SVEP1: variants seen among roughly 807,000 people sequenced by gnomAD.
SVEP1 encodes the protein sushi, von Willebrand factor type A, EGF and pentraxin domain containing 1.
A neutral mutation model predicts 367.3 loss-of-function variants in SVEP1; 164 were observed. That is an observed-to-expected ratio of 0.45 (90% CI 0.39 to 0.51). The LOEUF is 0.51. Among genes scored for constraint, SVEP1 ranks in the 20% least tolerant of loss-of-function variants. The probability of loss-of-function intolerance (pLI) is 0.00; values close to 1 mark genes in which losing one functional copy is unlikely to be tolerated. For synonymous variants in SVEP1, 1,666 were observed against 1,611.6 expected (o/e 1.03, Z -0.81); for missense variants, 4,117 against 4,425.3 (o/e 0.93, Z 1.98).
intron 14 of SVEP1, among the ~76,000 whole-genome samples, chr9:110,474,515 A>G (rs577992298): frequency 2.0e-5 from 3 of 152,124 alleles, no homozygotes; most frequent in African/African-American, 7.2e-5. Flanking sequence ...TTTTCTCAAG[A>G]ATTGCCATTT....
intron 1 of SVEP1, among the ~76,000 whole-genome samples, chr9:110,554,547 A>C (rs1206172660): frequency 1.3e-5 from 2 of 152,234 alleles, no homozygotes; most frequent in East Asian, 3.8e-4. Context: ...ACATCCTCTC[A>C]TGTCAGAAAA....
At chr9:110,445,090 CCACA>C (rs1440552733) in intron 26 of SVEP1, among the ~76,000 whole-genome samples, 2 of 152,184 alleles carry the variant, frequency 1.3e-5, no homozygotes, top group Non-Finnish European at 2.9e-5. Flanking sequence ...CAGAATCTAA[CCACA>C]CGGAAGTTAT....
intron 39 of SVEP1, among the ~76,000 whole-genome samples, chr9:110,401,290 C>T (rs1161194449): frequency 6.6e-6 from 1 of 151,902 alleles, no homozygotes; most frequent in Non-Finnish European, 1.5e-5. Flanking sequence ...TCACGAGCAA[C>T]AAGAAATATA....
At chr9:110,478,846 A>G (rs559472870) in intron 13 of SVEP1, among the ~76,000 whole-genome samples, 15 of 152,318 alleles carry the variant, frequency 9.8e-5, no homozygotes, top group South Asian at 2.1e-4. Context: ...AGGGCATACA[A>G]ATATGTATCT....
Position 110,484,002 on chromosome 9 carries a change from G to T in SVEP1, c.1931-309C>A, listed in dbSNP as rs560965313. Among the ~76,000 whole-genome samples, 27 of 152,304 alleles carry T rather than the reference G, an allele frequency of 1.8e-4. No homozygotes were observed. In the South Asian group the frequency reaches 5.6e-3, roughly 32 times the overall value. Reference sequence around the variant, plus strand: ...ATTTGAATTGTGGGTTCTGTCCACGGTCGTTGAGCTGACCCAACTGGAAGG... The same window carrying T: ...ATTTGAATTGTGGGTTCTGTCCACGTTCGTTGAGCTGACCCAACTGGAAGG... On this transcript the variant is annotated intron_variant, in intron 9 of 47. Coordinates refer to ENST00000374469, the MANE Select transcript of SVEP1 (RefSeq NM_153366.4).
chr9:110,381,382 C>T (rs536383505), intron 43 of SVEP1, among the ~76,000 whole-genome samples: 1 of 152,188 alleles, frequency 6.6e-6, no homozygotes, highest in African/African-American at 2.4e-5. Flanking sequence ...TTAACTGTGT[C>T]CCAGAGATTC....
At chr9:110,547,696 C>T (rs751011023) in intron 2 of SVEP1, among the ~76,000 whole-genome samples, 7 of 152,098 alleles carry the variant, frequency 4.6e-5, no homozygotes, top group Non-Finnish European at 1.0e-4. Flanking sequence ...TATTCTGTAA[C>T]CTATGTCTAT....
chr9:110,407,815 G>T lies in SVEP1; in HGVS notation c.7785C>A (p.Thr2595=), dbSNP rs1344347326. The change falls in exon 38 of 48, where the codon ACC becomes ACA. Residue 2595 remains threonine (T), a synonymous_variant. Coordinates refer to ENST00000374469, the MANE Select transcript of SVEP1 (RefSeq NM_153366.4). ...AACTTGACCATCCTGACTCTTCACA[G>T]GTCTGCATGGCATGACCAGCCACCT... ...GFQVAGHAMQ[T]CEESGWSSSI... 3.1e-6 allele frequency: 5 copies of T among 1,613,990 alleles called. No individual in the cohort carries two copies. Among genetic ancestry groups the T allele is most frequent in the Non-Finnish European group, 4.2e-6 (5 of 1,179,898 alleles).
intron 43 of SVEP1, among the ~76,000 whole-genome samples, chr9:110,381,964 C>T (rs552155483): frequency 7.4e-4 from 113 of 152,160 alleles, no homozygotes; most frequent in African/African-American, 2.2e-3. Flanking sequence ...TTTTGATCTT[C>T]GCTGGTTTAA....
At chr9:110,377,184 G>C in intron 45 of SVEP1, 87 bp downstream of exon 45, 5 of 1,238,642 alleles carry the variant, frequency 4.0e-6, no homozygotes, top group Non-Finnish European at 5.8e-6. Context: ...CTTCCCAACA[G>C]TACAACCATT....
chr9:110,379,298 C>T (rs767399616), intron 44 of SVEP1, 49 bp downstream of exon 44: 3 of 1,587,712 alleles, frequency 1.9e-6, no homozygotes, highest in Admixed American at 1.7e-5. Context: ...TTTCTATACA[C>T]ATTTCCCTGC....
At chr9:110,367,370 C>T (rs991540554) in intron 47 of SVEP1, among the ~76,000 whole-genome samples, 1 of 150,374 alleles carries the variant, frequency 6.7e-6, no homozygotes, top group Non-Finnish European at 1.5e-5. Context: ...TCCTATGTTG[C>T]CCAGGCTGGT....
At chr9:110,555,136 C>T (rs542428182) in intron 1 of SVEP1, among the ~76,000 whole-genome samples, 4 of 151,682 alleles carry the variant, frequency 2.6e-5, no homozygotes, top group African/African-American at 7.3e-5. Flanking sequence ...ATTTTGATTA[C>T]TGCTTCTTCT....
intron 21 of SVEP1, 76 bp from the exon 22 acceptor site, chr9:110,455,779 T>C: frequency 8.5e-7 from 1 of 1,178,088 alleles, no homozygotes; most frequent in Non-Finnish European, 1.2e-6. Context: ...CATTTAAAGG[T>C]AATTATCTCA....
At chr9:110,486,711 G>A (rs1390637990) in intron 9 of SVEP1, among the ~76,000 whole-genome samples, 1 of 149,892 alleles carries the variant, frequency 6.7e-6, no homozygotes, top group East Asian at 2.0e-4. Context: ...GCAGTGGCAT[G>A]ATCTTGGCTT....
intron 39 of SVEP1, among the ~76,000 whole-genome samples, chr9:110,402,024 T>C (rs995996866): frequency 6.6e-6 from 1 of 152,078 alleles, no homozygotes; most frequent in Non-Finnish European, 1.5e-5. Context: ...TTTTTCAATA[T>C]TGTAAGTAAT....
chr9:110,474,830 T>C (rs941660515), intron 14 of SVEP1, among the ~76,000 whole-genome samples: 1 of 152,088 alleles, frequency 6.6e-6, no homozygotes, highest in African/African-American at 2.4e-5. Flanking sequence ...GGTAAACTGA[T>C]CGATGGGATA....
Position 110,370,034 on chromosome 9 carries a change from T to G in SVEP1, c.10601-18A>C. On this transcript the variant is annotated intron_variant, in intron 46 of 47. Transcript: ENST00000374469. Reference sequence around the variant, plus strand: ...GCAAACAGCTGGAATAAAAAACCCATGCATTTATTTAATTAATACTTAGCA... The same window carrying G: ...GCAAACAGCTGGAATAAAAAACCCAGGCATTTATTTAATTAATACTTAGCA... 1.2e-6 allele frequency: 2 copies of G among 1,603,762 alleles called. No individual in the cohort carries two copies. Among genetic ancestry groups the G allele is most frequent in the Non-Finnish European group, 1.7e-6 (2 of 1,173,082 alleles).
chr9:110,429,899 G>T, intron 34 of SVEP1, 21 bp downstream of exon 34: 2 of 1,601,022 alleles, frequency 1.2e-6, no homozygotes, highest in Non-Finnish European at 1.7e-6. Flanking sequence ...CTACAATATA[G>T]TTTTAATCTT....
Sources: gnomAD v4.1 joint callset for allele counts (sites outside exome capture counted in the v4.1 genomes callset) on GRCh38, gnomAD v4.1.1 for gene constraint, MANE v1.5 for transcripts, NCBI Gene and HGNC (gene_info 2026-07-23, HGNC 2026-07-21) for gene names.